KAZN: variants seen among roughly 807,000 people sequenced by gnomAD.
The protein encoded by KAZN is kazrin.
Under a neutral mutation model 87.4 loss-of-function variants are expected in KAZN, and 40 were observed. The observed-to-expected ratio is 0.46, with a 90% CI of 0.36 to 0.60. The LOEUF (loss-of-function observed/expected upper bound fraction) is 0.60. Among genes scored for constraint, KAZN ranks in the 20% least tolerant of loss-of-function variants. The pLI, the probability that KAZN is intolerant of heterozygous loss-of-function variation, is 0.00. For synonymous variants in KAZN, 466 were observed against 458.3 expected (o/e 1.02, Z -0.22); for missense variants, 898 against 1,073.9 (o/e 0.84, Z 2.29).
intron 2 of KAZN, among the ~76,000 whole-genome samples, chr1:14,464,349 G>A (rs1377808231): frequency 6.6e-6 from 1 of 152,094 alleles, no homozygotes; most frequent in Non-Finnish European, 1.5e-5. Flanking sequence ...GACTGCTCTT[G>A]AAAAGTCTGG....
intron 1 of KAZN, among the ~76,000 whole-genome samples, chr1:13,971,901 C>G (rs372349824): frequency 3.3e-5 from 5 of 152,298 alleles, no homozygotes; most frequent in South Asian, 2.1e-4. Flanking sequence ...CCTTCCTCCC[C>G]CTTTGCCTTC....
At chr1:14,371,032 G>A (rs575582930) in intron 2 of KAZN, among the ~76,000 whole-genome samples, 1 of 152,126 alleles carries the variant, frequency 6.6e-6, no homozygotes, top group Non-Finnish European at 1.5e-5. Flanking sequence ...TTGAACCAGG[G>A]GTAGGTGATG....
intron 1 of KAZN, among the ~76,000 whole-genome samples, chr1:13,974,040 C>G (rs1642226029): frequency 6.6e-6 from 1 of 152,272 alleles, no homozygotes; most frequent in Non-Finnish European, 1.5e-5. Context: ...AAACCAGGCA[C>G]AAGCTTCCAG....
intron 2 of KAZN, among the ~76,000 whole-genome samples, chr1:14,287,753 G>C (rs1653366597): frequency 6.6e-6 from 1 of 152,190 alleles, no homozygotes; most frequent in African/African-American, 2.4e-5. Flanking sequence ...TCTCTGACTT[G>C]TGCCAGTTTT....
intron 1 of KAZN, among the ~76,000 whole-genome samples, chr1:13,922,162 C>G (rs911756428): frequency 6.6e-6 from 1 of 152,168 alleles, no homozygotes; most frequent in African/African-American, 2.4e-5. Context: ...TCTGCCTTTT[C>G]TGTAGTGCTT....
intron 1 of KAZN, among the ~76,000 whole-genome samples, chr1:14,848,833 G>A (rs1321247615): frequency 6.6e-6 from 1 of 152,242 alleles, no homozygotes; most frequent in Non-Finnish European, 1.5e-5. Context: ...CCAAGGCGGA[G>A]TTGGTGGAGA....
At chr1:13,994,137 G>A (rs1639406300) in intron 1 of KAZN, among the ~76,000 whole-genome samples, 1 of 152,158 alleles carries the variant, frequency 6.6e-6, no homozygotes, top group African/African-American at 2.4e-5. Flanking sequence ...ACTTTAATTT[G>A]GTTCCAGAAT....
chr1:15,097,488 A>C (rs1156821039), intron 10 of KAZN, among the ~76,000 whole-genome samples: 1 of 152,168 alleles, frequency 6.6e-6, no homozygotes, highest in Non-Finnish European at 1.5e-5. Flanking sequence ...TTACCCTCAC[A>C]ACATCAATGC....
At chr1:14,314,905 T>C (rs1054892782) in intron 2 of KAZN, among the ~76,000 whole-genome samples, 6 of 152,120 alleles carry the variant, frequency 3.9e-5, no homozygotes, top group African/African-American at 1.4e-4. Flanking sequence ...TTATGGGTGT[T>C]TTATATAAGT....
At chr1:14,081,905 G>T (rs1432909447) in intron 1 of KAZN, among the ~76,000 whole-genome samples, 1 of 152,034 alleles carries the variant, frequency 6.6e-6, no homozygotes, top group Non-Finnish European at 1.5e-5. Flanking sequence ...TGAGAAGCTG[G>T]GATTACAGGT....
chr1:14,238,786 G>A (rs965008365), intron 2 of KAZN, among the ~76,000 whole-genome samples: 3 of 152,084 alleles, frequency 2.0e-5, no homozygotes, highest in East Asian at 1.9e-4. Context: ...GTAGAGCCAC[G>A]GCATCACACA....
At chr1:14,527,962 C>T (rs1263002710) in intron 2 of KAZN, among the ~76,000 whole-genome samples, 9 of 152,076 alleles carry the variant, frequency 5.9e-5, no homozygotes, top group Non-Finnish European at 1.2e-4. Flanking sequence ...GGTGCCTGGG[C>T]GGGGATAGAA....
chr1:14,738,462 A>G lies in KAZN; in HGVS notation c.226+139239A>G, dbSNP rs11590125. 3.3e-5 allele frequency among the ~76,000 whole-genome samples: 5 copies of G among 152,092 alleles called. No individual in the cohort carries two copies. The East Asian group carries it at 7.7e-4, about 23-fold the overall frequency. Reference sequence around the variant, plus strand: ...AGCCCTTGTATATCTCGTCATGCCAATAAGGTAATTGAAATGGAATTGTCT... The same window carrying G: ...AGCCCTTGTATATCTCGTCATGCCAGTAAGGTAATTGAAATGGAATTGTCT... On this transcript the variant is annotated intron_variant, in intron 1 of 14. Coordinates refer to ENST00000376030, the MANE Select transcript of KAZN (RefSeq NM_201628.3).
At chr1:14,277,439 G>A (rs1045454731) in intron 2 of KAZN, among the ~76,000 whole-genome samples, 2 of 152,184 alleles carry the variant, frequency 1.3e-5, no homozygotes, top group Non-Finnish European at 1.5e-5. Flanking sequence ...GCCGAGGCGG[G>A]TGGATCATGA....
intron 14 of KAZN, 144 bp from the exon 15 acceptor site, chr1:15,114,327 A>G (rs1173178361): frequency 1.5e-6 from 1 of 672,124 alleles, no homozygotes; most frequent in Non-Finnish European, 2.6e-6. Flanking sequence ...AGCAGGGAGT[A>G]TTATTACTAA....
At chr1:14,921,950 C>T (rs1417705510) in intron 1 of KAZN, among the ~76,000 whole-genome samples, 2 of 152,106 alleles carry the variant, frequency 1.3e-5, no homozygotes, top group Non-Finnish European at 2.9e-5. Context: ...GACGTCAAGT[C>T]ACCCACCCTC....
intron 1 of KAZN, among the ~76,000 whole-genome samples, chr1:14,953,163 C>T (rs1662696236): frequency 6.6e-6 from 1 of 152,242 alleles, no homozygotes; most frequent in Non-Finnish European, 1.5e-5. Flanking sequence ...CAGGCTGACT[C>T]CATGGCCACA....
chr1:14,039,410 C>T (rs764972334), intron 1 of KAZN, among the ~76,000 whole-genome samples: 3 of 152,130 alleles, frequency 2.0e-5, no homozygotes, highest in South Asian at 2.1e-4. Flanking sequence ...AGTGCTGTAT[C>T]GATGCACTTT....
chr1:15,112,364 T>G, intron 13 of KAZN, 63 bp from the exon 14 acceptor site: 4 of 601,622 alleles, frequency 6.6e-6, no homozygotes, highest in Non-Finnish European at 1.2e-5. Context: ...TGTGTGTGTG[T>G]GTGTGTGTGT....
Sources: gnomAD v4.1 joint callset for allele counts (sites outside exome capture counted in the v4.1 genomes callset) on GRCh38, gnomAD v4.1.1 for gene constraint, MANE v1.5 for transcripts, NCBI Gene and HGNC (gene_info 2026-07-23, HGNC 2026-07-21) for gene names.